PHTF2: variants seen among roughly 807,000 people sequenced by gnomAD.
PHTF2 encodes putative homeodomain transcription factor 2.
In PHTF2, 60 loss-of-function variants were observed where a neutral mutation model predicts 101.2. That is an observed-to-expected ratio of 0.59 (90% CI 0.48 to 0.73). The LOEUF (loss-of-function observed/expected upper bound fraction) is 0.73. Ranked by LOEUF, PHTF2 falls within the 30% of genes least tolerant of loss-of-function variation. PHTF2 has a pLI of 0.00. For missense variants in PHTF2, 747 were observed against 908.7 expected (o/e 0.82, Z 2.29); for synonymous variants, 311 against 307.3 (o/e 1.01, Z -0.13).
At chr7:77,833,271 G>C (rs541135465) in intron 1 of PHTF2, among the ~76,000 whole-genome samples, 4 of 152,184 alleles carry the variant, frequency 2.6e-5, no homozygotes, top group Non-Finnish European at 4.4e-5. Flanking sequence ...GAAAAATGTT[G>C]AAAGTATGGG....
At chr7:77,839,445 T>A (rs1033586323) in intron 1 of PHTF2, among the ~76,000 whole-genome samples, 3 of 152,224 alleles carry the variant, frequency 2.0e-5, no homozygotes, top group Non-Finnish European at 4.4e-5. Flanking sequence ...TTTGTCTTAG[T>A]TTGATTATTT....
intron 3 of PHTF2, among the ~76,000 whole-genome samples, chr7:77,889,295 C>A (rs1800149496): frequency 6.6e-6 from 1 of 151,962 alleles, no homozygotes; most frequent in East Asian, 1.9e-4. Context: ...TTTAGAATCC[C>A]TTCACTCTCA....
Position 77,849,578 on chromosome 7 carries a change from A to AT in PHTF2, c.46-5149dup, listed in dbSNP as rs1796575569. Among the ~76,000 whole-genome samples, 7 of 152,090 alleles carry AT rather than the reference A, an allele frequency of 4.6e-5. No individual in the cohort carries two copies. The South Asian group carries it at 1.5e-3, about 32-fold the overall frequency. Reference sequence around the variant, plus strand: ...TCCAAATAAATTAAATTCTAGGATTATTTTTTCTATTTCTCTGAAGAATGT... The same window carrying AT: ...TCCAAATAAATTAAATTCTAGGATTATTTTTTTCTATTTCTCTGAAGAATGT... On this transcript the variant is annotated intron_variant, in intron 2 of 19. Transcript: ENST00000416283.
At chr7:77,811,615 C>A (rs529957345) in intron 1 of PHTF2, among the ~76,000 whole-genome samples, 15 of 152,308 alleles carry the variant, frequency 9.8e-5, no homozygotes, top group Middle Eastern at 3.4e-3. Flanking sequence ...TCAGTATGGA[C>A]TCATGAATTC....
intron 2 of PHTF2, among the ~76,000 whole-genome samples, chr7:77,843,690 CT>C (rs879524482): frequency 2.0e-5 from 3 of 152,208 alleles, no homozygotes; most frequent in Non-Finnish European, 4.4e-5. Context: ...TCAATTTCCA[CT>C]TTTCTACATT....
At chr7:77,893,736 G>GT (rs1339680655) in intron 4 of PHTF2, 72 bp downstream of exon 3, 3 of 687,288 alleles carry the variant, frequency 4.4e-6, no homozygotes, top group African/African-American at 1.8e-5. Flanking sequence ...TTTCTGTAGT[G>GT]TTTTTTAATA....
chr7:77,918,209 C>G (rs550940606), intron 9 of PHTF2, among the ~76,000 whole-genome samples: 3 of 152,130 alleles, frequency 2.0e-5, no homozygotes, highest in East Asian at 1.9e-4. Context: ...CCCTCACCCC[C>G]CTACCACCAC....
chr7:77,894,643 T>G (rs1171641416), intron 5 of PHTF2, among the ~76,000 whole-genome samples: 1 of 152,170 alleles, frequency 6.6e-6, no homozygotes, highest in Non-Finnish European at 1.5e-5. Context: ...TAAAATAGAT[T>G]ATAGTTTTGT....
chr7:77,937,629 GATAT>G (rs1161200252), intron 12 of PHTF2, 77 bp from the exon 12 acceptor site: 1 of 441,768 alleles, frequency 2.3e-6, no homozygotes, highest in Non-Finnish European at 3.9e-6. Flanking sequence ...TGTATATAGA[GATAT>G]ATATACAACT....
chr7:77,939,561 GCC>G (rs1805454642), intron 13 of PHTF2, among the ~76,000 whole-genome samples: 1 of 142,778 alleles, frequency 7.0e-6, no homozygotes, highest in East Asian at 2.0e-4. Flanking sequence ...CTGTACTCCA[GCC>G]TGGGCAATAG....
chr7:77,859,121 T>G (rs1030098217), intron 3 of PHTF2, among the ~76,000 whole-genome samples: 7 of 152,224 alleles, frequency 4.6e-5, no homozygotes, highest in Non-Finnish European at 8.8e-5. Context: ...TTCTTCACAC[T>G]CTTTCTGTGT....
rs188108890 is a variant in PHTF2, at chr7:77,939,022, C to T, written c.1468-1008C>T. The stretch of plus-strand genomic sequence containing the variant: ...TCTGGAATCTTGGATCTAGTTTGTG[C>T]TCTGTAACTTAATTACCTGTGAATT... On this transcript the variant is annotated intron_variant, in intron 13 of 19. Coordinates refer to ENST00000416283, the Ensembl canonical transcript of PHTF2. 1.6e-3 allele frequency among the ~76,000 whole-genome samples: 249 copies of T among 152,176 alleles called. 2 individuals carry two copies. Among genetic ancestry groups the T allele is most frequent in the African/African-American group, 5.9e-3 (244 of 41,500 alleles).
intron 9 of PHTF2, among the ~76,000 whole-genome samples, chr7:77,915,979 CTGTGTGTGTG>C (rs34376513): frequency 5.4e-5 from 8 of 147,916 alleles, no homozygotes; most frequent in South Asian, 2.2e-4. Flanking sequence ...ATTTGTGTGT[CTGTGTGTGTG>C]TGTGTGTGTG....
chr7:77,809,486 C>T lies in PHTF2; in HGVS notation c.-36+10515C>T, dbSNP rs541708776. On this transcript the variant is annotated intron_variant, in intron 1 of 19. Coordinates refer to ENST00000416283, the Ensembl canonical transcript of PHTF2. ...AGGTGATCCACCCACCTCAGCCTCC[C>T]GAAGTGCTGGGATTATAGGCATGAG... is the stretch of plus-strand genomic sequence containing the variant. Among the ~76,000 whole-genome samples the T allele has an allele frequency of 7.2e-5, 11 of 152,088 alleles. No homozygotes were observed. The South Asian group carries it at 1.0e-3, about 14-fold the overall frequency.
chr7:77,925,344 A>C (rs1236525108), intron 11 of PHTF2, among the ~76,000 whole-genome samples: 1 of 152,152 alleles, frequency 6.6e-6, no homozygotes, highest in African/African-American at 2.4e-5. Context: ...AAACCAAAAC[A>C]AATGTGTTTT....
chr7:77,930,163 A>G (rs763646096), intron 12 of PHTF2, among the ~76,000 whole-genome samples: 33 of 152,152 alleles, frequency 2.2e-4, no homozygotes, highest in East Asian at 7.7e-4. Context: ...CATGTTGGCC[A>G]GGCTGGTCTC....
intron 3 of PHTF2, among the ~76,000 whole-genome samples, chr7:77,871,304 T>C (rs1483939137): frequency 6.6e-6 from 1 of 152,176 alleles, no homozygotes; most frequent in Non-Finnish European, 1.5e-5. Context: ...CTTACCTCCG[T>C]TGTGGAGTAG....
intron 13 of PHTF2, among the ~76,000 whole-genome samples, chr7:77,939,566 G>A (rs1805455365): frequency 6.9e-6 from 1 of 145,678 alleles, no homozygotes; most frequent in East Asian, 2.0e-4. Context: ...CTCCAGCCTG[G>A]GCAATAGAGT....
chr7:77,930,022 T>C (rs35601642), intron 12 of PHTF2, among the ~76,000 whole-genome samples: 9,105 of 150,604 alleles, frequency 0.06, 383 homozygotes, highest in Middle Eastern at 0.085. Context: ...GGCACGATCT[T>C]GACTCACTGC....
Sources: allele counts gnomAD v4.1 joint callset (sites outside exome capture counted in the v4.1 genomes callset), GRCh38; gene constraint gnomAD v4.1.1; transcripts MANE v1.5; gene names NCBI Gene and HGNC (gene_info 2026-07-23, HGNC 2026-07-21).